The following AFF2 variants were observed in gnomAD, a reference collection of about 807,000 sequenced individuals.
AFF2 encodes ALF transcription elongation factor 2, also known as AF4/FMR2 family member 2.
AFF2 carries 14 observed loss-of-function variants against 76.9 expected under a neutral mutation model. The ratio of observed to expected loss-of-function variants is 0.18; its 90% confidence interval spans 0.12 to 0.28. The LOEUF is 0.28. AFF2 is among the 10% of genes least tolerant of loss of function. The pLI is 1.00. For missense variants in AFF2, 868 were observed against 1,001.1 expected (o/e 0.87, Z 1.79); for synonymous variants, 398 against 366.7 (o/e 1.09, Z -0.98).
intron 1 of AFF2, among the ~76,000 whole-genome samples, chrX:148,588,523 C>A (rs1481825030): frequency 8.9e-6 from 1 of 112,621 alleles, no homozygotes; most frequent in Non-Finnish European, 1.9e-5. Flanking sequence ...ATTCAACTTG[C>A]AGAAACTATC....
chrX:148,643,198 C>T (rs1557254934), intron 1 of AFF2, among the ~76,000 whole-genome samples: 1 of 111,627 alleles, frequency 9.0e-6, no homozygotes. Flanking sequence ...TGGATGCTGA[C>T]AAGAGTGGAA....
intron 7 of AFF2, among the ~76,000 whole-genome samples, chrX:148,880,255 G>A (rs1179296610): frequency 1.8e-5 from 2 of 111,757 alleles, no homozygotes; most frequent in East Asian, 5.6e-4. Context: ...AACAGCCTGA[G>A]CACCTTTACT....
chrX:148,726,423 A>G (rs1357146492), intron 3 of AFF2, among the ~76,000 whole-genome samples: 1 of 111,560 alleles, frequency 9.0e-6, no homozygotes, highest in African/African-American at 3.3e-5. Flanking sequence ...GGTATAGGGA[A>G]CTGTTTACCA....
At chrX:148,771,216 T>C (rs2069583244) in intron 3 of AFF2, among the ~76,000 whole-genome samples, 2 of 112,061 alleles carry the variant, frequency 1.8e-5, no homozygotes, top group South Asian at 3.7e-4. Context: ...TAAGCCTTAG[T>C]CGTGAGTGAA....
intron 3 of AFF2, among the ~76,000 whole-genome samples, chrX:148,773,669 A>AGAAGGAAG (rs1291323469): frequency 7.5e-5 from 5 of 66,513 alleles, no homozygotes; most frequent in African/African-American, 3.0e-4. Flanking sequence ...AAGGAAGGAA[A>AGAAGGAAG]GAAGGAAGGA....
intron 7 of AFF2, among the ~76,000 whole-genome samples, chrX:148,849,158 AT>A (rs1480418495): frequency 9.0e-6 from 1 of 111,073 alleles, no homozygotes; most frequent in Non-Finnish European, 1.9e-5. Context: ...AAGATCTAAA[AT>A]GGGGGCTCCC....
intron 3 of AFF2, among the ~76,000 whole-genome samples, chrX:148,692,600 G>T (rs2054665073): frequency 8.9e-6 from 1 of 112,068 alleles, no homozygotes; most frequent in African/African-American, 3.2e-5. Flanking sequence ...TATAAATCAT[G>T]TACTATTCAT....
intron 4 of AFF2, among the ~76,000 whole-genome samples, chrX:148,810,299 T>C (rs2070187342): frequency 9.0e-6 from 1 of 111,588 alleles, no homozygotes; most frequent in African/African-American, 3.3e-5. Flanking sequence ...GTTACCGAGA[T>C]TGATTGTGGC....
intron 3 of AFF2, among the ~76,000 whole-genome samples, chrX:148,675,954 C>A (rs1478224657): frequency 4.5e-5 from 5 of 110,360 alleles, no homozygotes; most frequent in Non-Finnish European, 3.8e-5. Context: ...TGGTCTTATT[C>A]AATACTGGAG....
At chrX:148,734,766 T>G in intron 3 of AFF2, among the ~76,000 whole-genome samples, 1 of 112,398 alleles carries the variant, frequency 8.9e-6, no homozygotes, top group Non-Finnish European at 1.9e-5. Context: ...TGGTTCTTTA[T>G]AAACATGTTT....
intron 9 of AFF2, among the ~76,000 whole-genome samples, chrX:148,935,946 C>A (rs1251740271): frequency 9.2e-6 from 1 of 108,989 alleles, no homozygotes; most frequent in Non-Finnish European, 1.9e-5. Context: ...GCAGGAAAGC[C>A]GTGGAAAAGA....
At chrX:148,595,242 G>C (rs1176637665) in intron 1 of AFF2, among the ~76,000 whole-genome samples, 1 of 112,192 alleles carries the variant, frequency 8.9e-6, no homozygotes, top group East Asian at 2.8e-4. Context: ...GACATTTTCA[G>C]ACACTCAAGA....
In AFF2 at chrX:148,594,157, G is replaced by C. The variant is rs2053548841; in HGVS notation, c.48-57842G>C. ...GCTGTAGACATGCAAGCAGAAGTGA[G>C]TGGGATGCGGCTAAGCATTTGTGGG... On this transcript the variant is annotated intron_variant, in intron 1 of 20. Transcript: ENST00000370460. Among the ~76,000 whole-genome samples, 3 of 110,239 alleles carry C rather than the reference G, an allele frequency of 2.7e-5. No individual in the cohort carries two copies. In the Admixed American group the frequency reaches 2.9e-4, roughly 11 times the overall value.
chrX:148,614,742 C>CTTTCTTTCCTTCT (rs2053775296), intron 1 of AFF2, among the ~76,000 whole-genome samples: 4 of 26,947 alleles, frequency 1.5e-4, no homozygotes, highest in East Asian at 1.2e-3. Context: ...TCCTTCTTTT[C>CTTTCTTTCCTTCT]TTTCTTTCTT....
chrX:148,879,209 G>A (rs888150184), intron 7 of AFF2, among the ~76,000 whole-genome samples: 2 of 111,834 alleles, frequency 1.8e-5, no homozygotes, highest in South Asian at 3.8e-4. Flanking sequence ...AGGCTGTCAG[G>A]CTATGTGGCA....
intron 6 of AFF2, 141 bp downstream of exon 6, chrX:148,843,143 C>T: frequency 1.9e-6 from 1 of 523,318 alleles, no homozygotes; most frequent in Non-Finnish European, 3.0e-6. Flanking sequence ...ATTTTTAGCT[C>T]TCAGAAATAA....
At chrX:148,694,185 G>T (rs528964915) in intron 3 of AFF2, among the ~76,000 whole-genome samples, 4 of 91,993 alleles carry the variant, frequency 4.3e-5, no homozygotes, top group South Asian at 6.5e-4. Context: ...CGGGGGGGGG[G>T]AGGGATAGCA....
chrX:148,932,664 G>A (rs1414043234), intron 9 of AFF2, among the ~76,000 whole-genome samples: 2 of 111,552 alleles, frequency 1.8e-5, no homozygotes, highest in African/African-American at 6.6e-5. Flanking sequence ...GAACACTTGT[G>A]TGAAGTACTC....
At position 148,996,884 on chromosome X, in the gene AFF2, A is replaced by G. The variant is rs1352374102; in HGVS notation, c.*5552A>G. The G allele has an allele frequency of 8.9e-6, 1 of 112,061 alleles. No homozygotes were observed. Among genetic ancestry groups the G allele is most frequent in the Non-Finnish European group, 1.9e-5 (1 of 53,195 alleles). The allele number at this position is 112,061 out of a possible 1,213,427, so 9.2% of individuals were successfully genotyped here. Reference sequence around the variant, plus strand: ...TTTTTATTTTATTATTATTGTCATCATTATTTTGATTTACAAATGCTATTT... The same window carrying G: ...TTTTTATTTTATTATTATTGTCATCGTTATTTTGATTTACAAATGCTATTT... On this transcript the variant is annotated 3_prime_UTR_variant, in exon 21 of 21. Coordinates refer to ENST00000370460, the MANE Select transcript of AFF2 (RefSeq NM_002025.4).
Sources: gnomAD v4.1 joint callset for allele counts (sites outside exome capture counted in the v4.1 genomes callset) on GRCh38, gnomAD v4.1.1 for gene constraint, MANE v1.5 for transcripts, NCBI Gene and HGNC (gene_info 2026-07-23, HGNC 2026-07-21) for gene names.